The following PTPRB variants were observed in gnomAD, a reference collection of about 807,000 sequenced individuals.
The protein encoded by PTPRB is receptor-type tyrosine-protein phosphatase beta.
In PTPRB, 97 loss-of-function variants were observed where a neutral mutation model predicts 238.1. That is an observed-to-expected ratio of 0.41 (90% CI 0.35 to 0.48). The LOEUF (loss-of-function observed/expected upper bound fraction) is 0.48, where lower values mean the gene tolerates loss of function less well. Among genes scored for constraint, PTPRB ranks in the 20% least tolerant of loss-of-function variants. The probability of loss-of-function intolerance (pLI) is 0.30; values close to 1 mark genes in which losing one functional copy is unlikely to be tolerated. For synonymous variants in PTPRB, 970 were observed against 995.4 expected, an observed-to-expected ratio of 0.97 and a Z score of 0.48; for missense variants, 2,292 against 2,681.9, an observed-to-expected ratio of 0.85 and a Z score of 3.21.
chr12:70,581,396 G>T, intron 9 of PTPRB, 94 bp from the exon 10 acceptor site: 1 of 1,304,252 alleles, frequency 7.7e-7, no homozygotes, highest in Non-Finnish European at 1.0e-6. Context: ...AGACTTGAAA[G>T]TACTAAAAAT....
intron 2 of PTPRB, 53 bp from the exon 3 acceptor site, chr12:70,622,699 T>C: frequency 6.7e-7 from 1 of 1,485,266 alleles, no homozygotes; most frequent in East Asian, 2.5e-5. Flanking sequence ...TTATGAATTC[T>C]TCACATAAAA....
intron 4 of PTPRB, among the ~76,000 whole-genome samples, chr12:70,608,503 CA>C (rs1884149543): frequency 6.6e-6 from 1 of 152,132 alleles, no homozygotes; most frequent in Admixed American, 6.6e-5. Flanking sequence ...GTAAAGTAAT[CA>C]AAGGACGTTC....
intron 2 of PTPRB, among the ~76,000 whole-genome samples, chr12:70,629,979 G>A (rs1885374469): frequency 6.6e-6 from 1 of 152,120 alleles, no homozygotes; most frequent in Non-Finnish European, 1.5e-5. Context: ...AAAAAGTCCA[G>A]GACCAGATGG....
chr12:70,615,305 C>T (rs1884627662), intron 3 of PTPRB, among the ~76,000 whole-genome samples: 1 of 152,084 alleles, frequency 6.6e-6, no homozygotes, highest in South Asian at 2.1e-4. Context: ...AGTAGATCAA[C>T]ACCCAAAGAC....
intron 29 of PTPRB, among the ~76,000 whole-genome samples, 155 bp downstream of exon 29, chr12:70,535,870 C>CTATT (rs1874049630): frequency 6.6e-6 from 1 of 152,214 alleles, no homozygotes; most frequent in Admixed American, 6.5e-5. Flanking sequence ...CTTGGGTTTA[C>CTATT]TATTAGAGTC....
At chr12:70,576,684 A>AGGTGGGGG (rs1880806601) in intron 10 of PTPRB, 39 bp from the exon 11 acceptor site, 6 of 29,858 alleles carry the variant, frequency 2.0e-4, no homozygotes, top group African/African-American at 3.5e-4. Context: ...GGGGGGGGGA[A>AGGTGGGGG]GGGGGATTCA....
chr12:70,525,373 A>C (rs1872275338), intron 32 of PTPRB: 1 of 152,172 alleles, frequency 6.6e-6, no homozygotes, highest in Non-Finnish European at 1.5e-5. Flanking sequence ...GATAGTGAAA[A>C]AAAGGAGGTG....
chr12:70,555,102 A>G, intron 20 of PTPRB, 58 bp downstream of exon 20: 1 of 1,553,036 alleles, frequency 6.4e-7, no homozygotes, highest in Non-Finnish European at 8.7e-7. Context: ...GATCTCCCAC[A>G]TGACCTCTGA....
Position 70,532,161 on chromosome 12 carries a change from CA to C in PTPRB, c.6377del (p.Val2126GlyfsTer17). On this transcript the variant is annotated frameshift_variant, in exon 32 of 34. Transcript: ENST00000334414. LOFTEE classifies it high-confidence loss of function. ...GPTVVHCSAG[V>X]GRTGTFIALD... is the part of the protein sequence containing the mutation. ...ATGCAATAAAGGTTCCAGTCCTACC[CA>C]CACCAGCACTAGAAGAGATGGCAAA... 1 of 1,602,426 alleles carries C rather than the reference CA, an allele frequency of 6.2e-7. No individual in the cohort carries two copies. Among genetic ancestry groups the C allele is most frequent in the Non-Finnish European group, 8.5e-7 (1 of 1,176,318 alleles).
At chr12:70,546,916 C>G (rs11178281) in intron 21 of PTPRB, among the ~76,000 whole-genome samples, 60,800 of 151,844 alleles carry the variant, frequency 0.4, 13,397 homozygotes, top group Middle Eastern at 0.53. Context: ...TGAAGATTCT[C>G]TAATTGAACT....
chr12:70,572,662 G>A (rs1002308739), intron 11 of PTPRB, among the ~76,000 whole-genome samples: 8 of 151,582 alleles, frequency 5.3e-5, no homozygotes, highest in African/African-American at 1.7e-4. Flanking sequence ...CCAGCTACTC[G>A]GGAGGCTGAG....
chr12:70,552,986 A>T lies in PTPRB; in HGVS notation c.5178T>A (p.Pro1726=). The change falls in exon 21 of 34, where the codon CCT becomes CCA. Residue 1726 remains proline (P), a synonymous_variant. Transcript: ENST00000334414. ...GCCTGTACTCCAGGTAGGAAGGGAGAGGGTGCTGCTGTTCTGGCTTCAGCT... is the reference window on the plus strand; with the variant it reads ...GCCTGTACTCCAGGTAGGAAGGGAGTGGGTGCTGCTGTTCTGGCTTCAGCT... ...SDELKPEQQH[P]LPSYLEYRHN... 1.2e-6 allele frequency: 2 copies of T among 1,613,708 alleles called. No individual in the cohort carries two copies. Among genetic ancestry groups the T allele is most frequent in the South Asian group, 2.2e-5 (2 of 91,066 alleles).
intron 15 of PTPRB, among the ~76,000 whole-genome samples, chr12:70,565,568 T>C (rs1173932114): frequency 6.6e-6 from 1 of 152,218 alleles, no homozygotes; most frequent in Non-Finnish European, 1.5e-5. Context: ...ATATGTACTC[T>C]TTATCACAAT....
At position 70,555,265 on chromosome 12, in the gene PTPRB, C is replaced by T. The variant is rs1877478120; in HGVS notation, c.5038G>A (p.Val1680Met). Residue 1680 changes from valine to methionine, a missense_variant, in exon 20 of 34, where the codon GTG (valine) becomes ATG (methionine). Around this residue, in one of 4 missense-constraint regions of PTPRB, gnomAD observed 683 missense variants for 862.0 expected, o/e 0.79. Transcript: ENST00000334414. ...PPHIRVNEKD[V>M]LISKSSINFT... ...TTGATGGAAGACTTGCTAATTAGCA[C>T]ATCCTTTTCATTCACACGAATGTGT... The T allele has an allele frequency of 6.2e-7, 1 of 1,613,606 alleles. No homozygotes were observed. Among genetic ancestry groups the T allele is most frequent in the Non-Finnish European group, 8.5e-7 (1 of 1,179,848 alleles).
intron 3 of PTPRB, among the ~76,000 whole-genome samples, chr12:70,616,096 C>G (rs543137058): frequency 1.4e-4 from 21 of 152,092 alleles, no homozygotes; most frequent in Non-Finnish European, 2.6e-4. Context: ...TCTTAATCTT[C>G]TTTTTAAATT....
chr12:70,574,098 G>T (rs1880425756), intron 11 of PTPRB, among the ~76,000 whole-genome samples: 1 of 152,160 alleles, frequency 6.6e-6, no homozygotes, highest in Non-Finnish European at 1.5e-5. Context: ...TCGGATCCAG[G>T]GTACTAAACT....
intron 4 of PTPRB, among the ~76,000 whole-genome samples, chr12:70,607,549 T>C (rs1385238285): frequency 1.4e-5 from 1 of 69,142 alleles, no homozygotes; most frequent in African/African-American, 4.8e-5. Flanking sequence ...TTTCCTTTTC[T>C]TTTTTTTTTT....
intron 18 of PTPRB, among the ~76,000 whole-genome samples, chr12:70,558,630 A>T (rs1401314082): frequency 6.6e-6 from 1 of 152,212 alleles, no homozygotes; most frequent in Non-Finnish European, 1.5e-5. Flanking sequence ...GACATACAGC[A>T]GTATATGCTA....
Position 70,520,307 on chromosome 12 carries a change from T to C in PTPRB, c.*1182A>G. ...AATATTGAAGATAAACTTGGTACAG[T>C]ATGTAGTGCCTTTTGTTATTAAATG... On this transcript the variant is annotated 3_prime_UTR_variant, in exon 34 of 34. Coordinates refer to ENST00000334414, the MANE Select transcript of PTPRB (RefSeq NM_001109754.4). 2.6e-6 allele frequency: 1 copy of C among 391,830 alleles called. No individual in the cohort carries two copies. The highest frequency in any genetic ancestry group is 1.9e-5 in the South Asian group (1 of 53,644). The allele number at this position is 391,830 out of a possible 1,614,324, so 24.3% of individuals were successfully genotyped here. A position where few individuals can be genotyped will look rare whatever the true frequency, so the allele number is the denominator to read the frequency against.
Sources: gnomAD v4.1 joint callset for allele counts (sites outside exome capture counted in the v4.1 genomes callset) on GRCh38, gnomAD v4.1.1 for gene constraint, gnomAD v4.1.1 regional missense constraint, MANE v1.5 for transcripts, NCBI Gene and HGNC (gene_info 2026-07-23, HGNC 2026-07-21) for gene names.